The following PRKAR1A variants were observed in gnomAD, a reference collection of about 807,000 sequenced individuals.
PRKAR1A encodes cAMP-dependent protein kinase type I-alpha regulatory subunit.
In PRKAR1A, 3 loss-of-function variants were observed where a neutral mutation model predicts 52.0. That is an observed-to-expected ratio of 0.06 (90% CI 0.03 to 0.15). PRKAR1A has a LOEUF of 0.15. Ranked by LOEUF, PRKAR1A falls within the 10% of genes least tolerant of loss-of-function variation. PRKAR1A has a pLI of 1.00. For synonymous variants in PRKAR1A, 188 were observed against 168.4 expected (o/e 1.12, Z -0.90); for missense variants, 240 against 477.4 (o/e 0.50, Z 4.63).
At chr17:68,456,713 G>C in the PRKAR1A span, among the ~76,000 whole-genome samples, 1 of 152,206 alleles carries the variant, frequency 6.6e-6, no homozygotes, top group Non-Finnish European at 1.5e-5. Context: ...GATCCTGCCT[G>C]GCTGGGTGGG....
At chr17:68,529,467 T>C (rs544370658) in intron 9 of PRKAR1A, among the ~76,000 whole-genome samples, 28 of 152,244 alleles carry the variant, frequency 1.8e-4, no homozygotes, top group Non-Finnish European at 3.4e-4. Context: ...GGCTCCATAG[T>C]TGCTAATTGA....
At chr17:68,456,497 T>C in the PRKAR1A span, among the ~76,000 whole-genome samples, 71 of 132,538 alleles carry the variant, frequency 5.4e-4, no homozygotes, top group Non-Finnish European at 1.1e-3. Context: ...TCCATGAAAA[T>C]AGGGAAAGAA....
the PRKAR1A span, among the ~76,000 whole-genome samples, chr17:68,505,839 C>T: frequency 1.3e-5 from 2 of 152,136 alleles, no homozygotes; most frequent in South Asian, 4.1e-4. Flanking sequence ...GAAGTATCAA[C>T]ATTGGCTCTT....
At chr17:68,435,715 G>C in the PRKAR1A span, 1 of 1,614,154 alleles carries the variant, frequency 6.2e-7, no homozygotes, top group South Asian at 1.1e-5. Flanking sequence ...ACTGTTTTCT[G>C]TTGGTGAAAA....
the PRKAR1A span, among the ~76,000 whole-genome samples, chr17:68,489,863 A>C: frequency 6.6e-6 from 1 of 152,016 alleles, no homozygotes; most frequent in African/African-American, 2.4e-5. Flanking sequence ...GCTGGAGAGT[A>C]TATTTTTGCT....
the PRKAR1A span, among the ~76,000 whole-genome samples, chr17:68,456,587 T>C: frequency 6.6e-6 from 1 of 152,138 alleles, no homozygotes; most frequent in African/African-American, 2.4e-5. Context: ...AAAGCCCAAA[T>C]GTGAACATCG....
chr17:68,430,333 C>A, the PRKAR1A span, among the ~76,000 whole-genome samples: 7 of 152,148 alleles, frequency 4.6e-5, no homozygotes, highest in South Asian at 1.0e-3. Flanking sequence ...CTGGCAATAA[C>A]TAAAGAGCAT....
the PRKAR1A span, among the ~76,000 whole-genome samples, chr17:68,466,776 T>C: frequency 6.6e-6 from 1 of 152,044 alleles, no homozygotes; most frequent in African/African-American, 2.4e-5. Flanking sequence ...TGAAGTGAAA[T>C]TTACATACAG....
chr17:68,509,923 A>G (rs879335863), upstream of PRKAR1A, among the ~76,000 whole-genome samples: 1 of 152,158 alleles, frequency 6.6e-6, no homozygotes, highest in Non-Finnish European at 1.5e-5. Context: ...GCCAGGACTC[A>G]GCAAGGAAGC....
chr17:68,457,542 CACCCCGCCCCT>C, the PRKAR1A span: 4 of 58,236 alleles, frequency 6.9e-5, no homozygotes, highest in Admixed American at 2.8e-4. Context: ...GCCCCGTCCC[CACCCCGCCCCT>C]ACCCCGCCCC....
intron 11 of PRKAR1A, among the ~76,000 whole-genome samples, chr17:68,539,596 AT>A (rs1362025680): frequency 6.6e-6 from 1 of 152,238 alleles, no homozygotes; most frequent in African/African-American, 2.4e-5. Context: ...GCAATCCTTC[AT>A]TCATTCACTA....
the PRKAR1A span, among the ~76,000 whole-genome samples, chr17:68,465,263 G>A: frequency 6.6e-6 from 1 of 151,848 alleles, no homozygotes; most frequent in Admixed American, 6.6e-5. Context: ...GTTACTCCTT[G>A]TCTATCTGGT....
intron 11 of PRKAR1A, chr17:68,541,738 C>G (rs2086305243): frequency 4.5e-6 from 2 of 443,888 alleles, no homozygotes; most frequent in Non-Finnish European, 8.1e-6. Flanking sequence ...AGGAGAGAGT[C>G]TGAGTCTTCC....
the PRKAR1A span, among the ~76,000 whole-genome samples, chr17:68,504,602 C>T: frequency 1.3e-5 from 2 of 152,288 alleles, no homozygotes; most frequent in East Asian, 1.9e-4. Flanking sequence ...AAAAACTTCA[C>T]ATATTCTCAC....
At position 68,551,143 on chromosome 17, in the gene PRKAR1A, T is replaced by C. The variant is rs1047724223; in HGVS notation, c.*19T>C. 6.5e-6 allele frequency: 8 copies of C among 1,232,700 alleles called. No homozygotes were observed. The Admixed American group carries it at 2.5e-4, about 39-fold the overall frequency. 76.4% of individuals were successfully genotyped at this position (1,232,700 alleles called of 1,614,324 possible). The stretch of plus-strand genomic sequence containing the variant: ...GGGCTAAGGCACTGGGGCCGAACTC[T>C]AGGAGACCCTAACCTGTGGGCTGCA... On this transcript the variant is annotated 3_prime_UTR_variant, in exon 12 of 12. Transcript: ENST00000585981.
chr17:68,518,446 A>T (rs2085499355), intron 2 of PRKAR1A, among the ~76,000 whole-genome samples: 1 of 152,184 alleles, frequency 6.6e-6, no homozygotes. Flanking sequence ...ACTTCTGTGC[A>T]CCCACAGGCC....
At chr17:68,489,274 A>ATATATATATGTGGAAAG in the PRKAR1A span, among the ~76,000 whole-genome samples, 5 of 33,664 alleles carry the variant, frequency 1.5e-4, 1 homozygote, top group African/African-American at 5.8e-4. Flanking sequence ...AAGTATATAT[A>ATATATATATGTGGAAAG]TATATATATA....
the PRKAR1A span, among the ~76,000 whole-genome samples, chr17:68,416,519 C>G: frequency 6.6e-6 from 1 of 152,190 alleles, no homozygotes; most frequent in Non-Finnish European, 1.5e-5. Flanking sequence ...AGGTTTCTAG[C>G]AAGGCCAGGG....
the PRKAR1A span, chr17:68,428,982 C>T: frequency 2.8e-5 from 41 of 1,449,510 alleles, no homozygotes; most frequent in South Asian, 1.3e-4. Context: ...CGAAGATGGG[C>T]GATGGATTCG....
Sources: allele counts gnomAD v4.1 joint callset (sites outside exome capture counted in the v4.1 genomes callset), GRCh38; gene constraint gnomAD v4.1.1; transcripts MANE v1.5; gene names NCBI Gene and HGNC (gene_info 2026-07-23, HGNC 2026-07-21).